Variants in LIPE observed in about 807,000 individuals in gnomAD.
LIPE encodes hormone-sensitive lipase.
Under a neutral mutation model 88.5 loss-of-function variants are expected in LIPE, and 66 were observed. The observed-to-expected ratio is 0.75, with a 90% CI of 0.61 to 0.91. LIPE has a LOEUF of 0.91. Among genes scored for constraint, LIPE ranks in the 40% least tolerant of loss-of-function variants. The pLI is 0.00. For synonymous variants in LIPE, 570 were observed against 617.5 expected (o/e 0.92, Z 1.14); for missense variants, 1,346 against 1,434.7 (o/e 0.94, Z 1.00).
rs955495277 is a variant in LIPE, at chr19:42,410,409, C to A, written c.1317G>T (p.Gly439=). The stretch of plus-strand genomic sequence containing the variant: ...CCTCGTCGCCCTCAAAGAAGAGTAC[C>A]CCCGGCCGATTGGTAACCAGCAGGC... ...AQRLLVTNRP[G]VLFFEGDEGL... is the part of the protein sequence containing the mutation. Residue 439 remains glycine, a synonymous_variant, in exon 2 of 10, where the codon GGG becomes GGT. Coordinates refer to ENST00000244289, the MANE Select transcript of LIPE (RefSeq NM_005357.4). This position sits in a 1 kb window ranked among gnomAD's most constrained non-coding sequence, Gnocchi z 6.1. 2 of 1,614,076 alleles carry A rather than the reference C, an allele frequency of 1.2e-6. No individual in the cohort carries two copies. Among genetic ancestry groups the A allele is most frequent in the African/African-American group, 1.3e-5 (1 of 74,934 alleles).
At position 42,401,716 on chromosome 19, in the gene LIPE, CA is replaced by C; in HGVS notation, c.*95del. The stretch of plus-strand genomic sequence containing the variant: ...TCGGGCCCCCGCCCCGCCCCCTTGC[CA>C]CCCCCGACTTAAGTAAGGCACAGCC... On this transcript the variant is annotated 3_prime_UTR_variant, in exon 10 of 10. Transcript: ENST00000244289. The C allele has an allele frequency of 2.2e-6, 1 of 454,812 alleles. No individual in the cohort carries two copies. Among genetic ancestry groups the C allele is most frequent in the Non-Finnish European group, 3.3e-6 (1 of 299,808 alleles). The allele number at this position is 454,812 out of a possible 1,614,324, so 28.2% of individuals were successfully genotyped here.
intron 1 of LIPE, among the ~76,000 whole-genome samples, chr19:42,417,211 C>T (rs1412676141): frequency 3.3e-5 from 5 of 152,098 alleles, no homozygotes; most frequent in East Asian, 3.9e-4. Flanking sequence ...TGAGCCACTG[C>T]GCCCGGCCAA....
At chr19:42,405,959 C>T in intron 7 of LIPE, 1 of 576,908 alleles carries the variant, frequency 1.7e-6, no homozygotes, top group Non-Finnish European at 3.0e-6. Context: ...TTGTGTCTGT[C>T]TGTCTCTCTC....
Position 42,407,633 on chromosome 19 carries a change from G to A in LIPE, c.1815C>T (p.Leu605=), listed in dbSNP as rs778382556. 10 of 1,611,194 alleles carry A rather than the reference G, an allele frequency of 6.2e-6. No homozygotes were observed. The East Asian group carries it at 1.6e-4, about 25-fold the overall frequency. ...HTGPGPVLVR[L]ISYDLREGQD... ...GTCCTTCACGCAGGTCATAGGAGAT[G>A]AGCCTGACGAGGACGGGCCCAGGGC... Residue 605 remains leucine, a synonymous_variant, in exon 5 of 10, where the codon CTC becomes CTT. Coordinates refer to ENST00000244289, the MANE Select transcript of LIPE (RefSeq NM_005357.4). This position sits in a 1 kb window ranked among gnomAD's most constrained non-coding sequence, Gnocchi z 5.8.
In LIPE at chr19:42,402,772, G is replaced by A. The variant is rs1355613412; in HGVS notation, c.2802C>T (p.Gly934=). 2 of 1,598,018 alleles carry A rather than the reference G, an allele frequency of 1.3e-6. No homozygotes were observed. The highest frequency in any genetic ancestry group is 4.5e-5 in the East Asian group (2 of 44,470). Residue 934 remains glycine (G), a synonymous_variant, in exon 9 of 10, where the codon GGC becomes GGT. Transcript: ENST00000244289. ...AKNELSPMDR[G]LGVRAAFPEG... ...CGGGGAAGGCGGCACGGACGCCCAG[G>A]CCTCTGTCCATGGGGCTCAGCTCAT...
chr19:42,413,993 T>A (rs1356009405), intron 1 of LIPE, among the ~76,000 whole-genome samples: 2 of 152,222 alleles, frequency 1.3e-5, no homozygotes, highest in Admixed American at 6.5e-5. Context: ...AATGGGACGA[T>A]GTGGGCTAGG....
chr19:42,407,199 C>CCAG lies in LIPE; in HGVS notation c.2109_2111dup (p.Cys703dup). 6.5e-7 allele frequency: 1 copy of CCAG among 1,536,382 alleles called. No individual in the cohort carries two copies. Among genetic ancestry groups the CCAG allele is most frequent in the Non-Finnish European group, 8.8e-7 (1 of 1,138,698 alleles). On this transcript the variant is annotated inframe_insertion, in exon 6 of 10. Coordinates refer to ENST00000244289, the MANE Select transcript of LIPE (RefSeq NM_005357.4). This position sits in a 1 kb window ranked among gnomAD's most constrained non-coding sequence, Gnocchi z 5.8. ...CAAGGAGGGCGCAGTGCTTGATGGC[C>CCAG]CAGCAGTAGGCGAAGAAGCACTCCT...
In LIPE at chr19:42,406,020, G is replaced by GA. The variant is rs112568358; in HGVS notation, c.2365+140dup. 0.026 allele frequency: 13,246 copies of GA among 504,030 alleles called. 1,277 individuals carry two copies. The highest frequency in any genetic ancestry group is 0.24 in the African/African-American group (11,176 of 45,622). The allele number at this position is 504,030 out of a possible 1,614,324, so 31.2% of individuals were successfully genotyped here. A position where few individuals can be genotyped will look rare whatever the true frequency, so the allele number is the denominator to read the frequency against. On this transcript the variant is annotated intron_variant, in intron 7 of 9. Coordinates refer to ENST00000244289, the MANE Select transcript of LIPE (RefSeq NM_005357.4). This position sits in a 1 kb window ranked among gnomAD's most constrained non-coding sequence, Gnocchi z 5.7. ...CACACACACACACACACACACACACGAAAAAAAAGGGACAAGGAGTCTTAG... is the reference window on the plus strand; with the variant it reads ...CACACACACACACACACACACACACGAAAAAAAAAGGGACAAGGAGTCTTAG...
chr19:42,420,410 G>A (rs2040574931), intron 1 of LIPE, among the ~76,000 whole-genome samples: 4 of 152,172 alleles, frequency 2.6e-5, no homozygotes, highest in Admixed American at 2.6e-4. Flanking sequence ...GTATGCCTGT[G>A]AATGTATCTG....
rs2147645920 is a variant in LIPE, at chr19:42,414,700, G to T, written c.884-3858C>A. On this transcript the variant is annotated intron_variant, in intron 1 of 9. Coordinates refer to ENST00000244289, the MANE Select transcript of LIPE (RefSeq NM_005357.4). The surrounding 1 kb of genome is among the most constrained non-coding windows in gnomAD (Gnocchi z 4.6). The stretch of plus-strand genomic sequence containing the variant: ...TTCTGACAGCAGTTGCTCACTTTGT[G>T]TCTCTGTGTCACATTCTGGTAATTT... Among the ~76,000 whole-genome samples, 1 of 152,324 alleles carries T rather than the reference G, an allele frequency of 6.6e-6. No homozygotes were observed. The highest frequency in any genetic ancestry group is 3.4e-3 in the Middle Eastern group (1 of 294).
At chr19:42,418,287 C>T (rs1333573253) in intron 1 of LIPE, among the ~76,000 whole-genome samples, 1 of 152,120 alleles carries the variant, frequency 6.6e-6, no homozygotes, top group Non-Finnish European at 1.5e-5. Context: ...CTGGCCTGAC[C>T]CCAATTTTGA....
In LIPE at chr19:42,401,517, T is replaced by C; in HGVS notation, c.*295A>G. ...CCGTATTTGAGAGAGGCCAAACTAA[T>C]TAAATACTTTTATTTACAACAAACC... On this transcript the variant is annotated 3_prime_UTR_variant, in exon 10 of 10. Coordinates refer to ENST00000244289, the MANE Select transcript of LIPE (RefSeq NM_005357.4). The C allele has an allele frequency of 2.6e-6, 1 of 388,416 alleles. No homozygotes were observed. Among genetic ancestry groups the C allele is most frequent in the South Asian group, 4.8e-5 (1 of 20,720 alleles). 24.1% of individuals were successfully genotyped at this position (388,416 alleles called of 1,614,324 possible). A position where few individuals can be genotyped will look rare whatever the true frequency, so the allele number is the denominator to read the frequency against.
At chr19:42,423,787 C>T (rs950517547) in intron 1 of LIPE, 25 of 1,110,316 alleles carry the variant, frequency 2.3e-5, no homozygotes, top group Admixed American at 4.9e-5. Flanking sequence ...AAAAGGCAAC[C>T]CCGGGGGTGG....
At chr19:42,417,322 C>T (rs1375651583) in intron 1 of LIPE, among the ~76,000 whole-genome samples, 2 of 152,124 alleles carry the variant, frequency 1.3e-5, no homozygotes, top group East Asian at 1.9e-4. Flanking sequence ...TGTAGTGGCA[C>T]GATCATACCT....
In LIPE at chr19:42,406,659, G is replaced by A. The variant is rs1332705459; in HGVS notation, c.2138-271C>T. On this transcript the variant is annotated intron_variant, in intron 6 of 9. Coordinates refer to ENST00000244289, the MANE Select transcript of LIPE (RefSeq NM_005357.4). The surrounding 1 kb of genome is among the most constrained non-coding windows in gnomAD (Gnocchi z 5.7). The stretch of plus-strand genomic sequence containing the variant: ...CGGGGCTGGAGGTTGGGAGCAGGGA[G>A]GGCAGGTGGTGGGAAAGGGGAGCTG... Among the ~76,000 whole-genome samples the A allele has an allele frequency of 6.6e-6, 1 of 152,166 alleles. No individual in the cohort carries two copies. The highest frequency in any genetic ancestry group is 1.5e-5 in the Non-Finnish European group (1 of 68,030).
rs187243409 is a variant in LIPE at position 42,405,093 on chromosome 19, C to T, written c.2542+292G>A. On this transcript the variant is annotated intron_variant, in intron 8 of 9. Coordinates refer to ENST00000244289, the MANE Select transcript of LIPE (RefSeq NM_005357.4). ...ATATTGGCCAGGCTGGTCTCGAACT[C>T]CTGACCTCAAGTGATCTGCCCACCT... Among the ~76,000 whole-genome samples the T allele has an allele frequency of 2.6e-3, 391 of 152,292 alleles. 3 individuals are homozygous for T. The highest frequency in any genetic ancestry group is 5.0e-3 in the Admixed American group (76 of 15,292).
intron 1 of LIPE, among the ~76,000 whole-genome samples, chr19:42,420,907 C>T (rs1464510838): frequency 6.6e-6 from 1 of 151,848 alleles, no homozygotes; most frequent in Non-Finnish European, 1.5e-5. Context: ...CCTCCTCTCT[C>T]TCTCTCTTTT....
intron 1 of LIPE, among the ~76,000 whole-genome samples, chr19:42,415,348 T>A (rs1469570415): frequency 1.3e-5 from 2 of 152,232 alleles, no homozygotes; most frequent in African/African-American, 4.8e-5. Flanking sequence ...TCTCTCATTT[T>A]AAATCAAAAG....
rs752044151 is a variant in LIPE at position 42,401,941 on chromosome 19, G to A, written c.3102C>T (p.Arg1034=). Reference sequence around the variant, plus strand: ...ACAGCTCTGCGGCCTGGCGCGTCTCGCGGCACAGCGCCGCTAGGGTCAGGA... The same window carrying A: ...ACAGCTCTGCGGCCTGGCGCGTCTCACGGCACAGCGCCGCTAGGGTCAGGA... The part of the protein sequence containing the change: ...HGFLTLAALC[R]ETRQAAELCV... The change falls in exon 10 of 10, where the codon CGC becomes CGT. Residue 1034 remains arginine, a synonymous_variant. Coordinates refer to ENST00000244289, the MANE Select transcript of LIPE (RefSeq NM_005357.4). The A allele has an allele frequency of 2.4e-5, 37 of 1,555,604 alleles. No homozygotes were observed. The highest frequency in any genetic ancestry group is 3.0e-5 in the Non-Finnish European group (35 of 1,154,990).
Sources: allele counts gnomAD v4.1 joint callset (sites outside exome capture counted in the v4.1 genomes callset), GRCh38; gene constraint gnomAD v4.1.1; non-coding constraint Gnocchi (gnomAD v3.1); transcripts MANE v1.5; gene names NCBI Gene and HGNC (gene_info 2026-07-23, HGNC 2026-07-21).